The following PHF2 variants were observed in gnomAD, a reference collection of about 807,000 sequenced individuals.
PHF2 encodes the protein PHD finger protein 2.
Under a neutral mutation model 120.5 loss-of-function variants are expected in PHF2, and 27 were observed. The ratio of observed to expected loss-of-function variants is 0.22; its 90% CI spans 0.17 to 0.31. The LOEUF is 0.31. Ranked by LOEUF, PHF2 falls within the 10% of genes least tolerant of loss-of-function variation. The probability of loss-of-function intolerance (pLI) is 1.00; values close to 1 mark genes in which losing one functional copy is unlikely to be tolerated. For missense variants in PHF2, 1,024 were observed against 1,434.8 expected, an observed-to-expected ratio of 0.71 and a Z score of 4.63; for synonymous variants, 568 against 592.5, an observed-to-expected ratio of 0.96 and a Z score of 0.60.
intron 6 of PHF2, among the ~76,000 whole-genome samples, chr9:93,654,188 T>G (rs1448561663): frequency 6.6e-6 from 1 of 152,164 alleles, no homozygotes; most frequent in African/African-American, 2.4e-5. Flanking sequence ...CTCGAAACAA[T>G]GTAATGTGGG....
intron 17 of PHF2, among the ~76,000 whole-genome samples, chr9:93,671,454 G>A (rs1241271897): frequency 2.6e-5 from 3 of 116,646 alleles, no homozygotes; most frequent in Admixed American, 1.7e-4. Context: ...GTGGATGTAG[G>A]TACAGGTGTA....
chr9:93,650,445 C>A (rs1235768086), intron 5 of PHF2, among the ~76,000 whole-genome samples: 4 of 152,218 alleles, frequency 2.6e-5, no homozygotes. Context: ...TACACTCACA[C>A]ACATGAGATC....
intron 17 of PHF2, among the ~76,000 whole-genome samples, chr9:93,667,498 C>T (rs979101686): frequency 1.3e-5 from 2 of 152,138 alleles, no homozygotes; most frequent in Non-Finnish European, 1.5e-5. Context: ...TTTTATGTGC[C>T]GAGACTGTTG....
At chr9:93,600,997 T>G (rs142695102) in intron 1 of PHF2, among the ~76,000 whole-genome samples, 42 of 152,386 alleles carry the variant, frequency 2.8e-4, no homozygotes, top group Non-Finnish European at 6.0e-4. Flanking sequence ...CTTCAGAGAA[T>G]GACAGAATTC....
chr9:93,577,182 C>T lies in PHF2; in HGVS notation c.98+311C>T, dbSNP rs544101366. Among the ~76,000 whole-genome samples, 103 of 150,462 alleles carry T rather than the reference C, an allele frequency of 6.8e-4. 1 individual carries two copies. Among genetic ancestry groups the T allele is most frequent in the African/African-American group, 2.1e-3 (86 of 41,272 alleles). ...GGGAAGTTGGGGCTCCAGGCCCGGG[C>T]CGGGCCGCCTGTCAGCTGGGTCGCG... is the stretch of plus-strand genomic sequence containing the variant. On this transcript the variant is annotated intron_variant, in intron 1 of 21. Coordinates refer to ENST00000359246, the MANE Select transcript of PHF2 (RefSeq NM_005392.4).
chr9:93,583,442 C>T (rs192647210), intron 1 of PHF2, among the ~76,000 whole-genome samples: 49 of 152,274 alleles, frequency 3.2e-4, no homozygotes, highest in Non-Finnish European at 5.3e-4. Context: ...ATGGAATTGC[C>T]GGATCATATG....
chr9:93,596,862 G>A (rs1825342752), intron 1 of PHF2, among the ~76,000 whole-genome samples: 1 of 151,478 alleles, frequency 6.6e-6, no homozygotes, highest in African/African-American at 2.4e-5. Flanking sequence ...GGGTTCAAGC[G>A]ATTCTCCTGC....
intron 4 of PHF2, among the ~76,000 whole-genome samples, chr9:93,647,255 C>A (rs988507808): frequency 1.3e-5 from 2 of 152,188 alleles, no homozygotes; most frequent in African/African-American, 4.8e-5. Context: ...GCTCTTCCCA[C>A]GTAGGAGCTA....
At chr9:93,648,652 C>G (rs1161200080) in intron 4 of PHF2, among the ~76,000 whole-genome samples, 1 of 152,206 alleles carries the variant, frequency 6.6e-6, no homozygotes, top group Non-Finnish European at 1.5e-5. Context: ...TCTGCCAATT[C>G]TCAGAGTAAT....
At chr9:93,599,303 T>C (rs10739951) in intron 1 of PHF2, among the ~76,000 whole-genome samples, 57,076 of 152,136 alleles carry the variant, frequency 0.38, 11,036 homozygotes, top group Non-Finnish European at 0.4. Flanking sequence ...GTGGCACTGG[T>C]GTGGCTGGAG....
intron 1 of PHF2, among the ~76,000 whole-genome samples, chr9:93,615,244 TTGATGG>T (rs1303478356): frequency 6.8e-6 from 1 of 147,376 alleles, no homozygotes. Context: ...GGTGATGGTG[TTGATGG>T]TGATGGTGAT....
intron 1 of PHF2, among the ~76,000 whole-genome samples, chr9:93,625,310 C>T (rs10761244): frequency 0.55 from 82,914 of 151,944 alleles, 23,049 homozygotes; most frequent in South Asian, 0.77. Context: ...GTATCAGGAC[C>T]TCATTCCTTT....
chr9:93,626,345 T>C (rs1177949594), intron 1 of PHF2, among the ~76,000 whole-genome samples: 1 of 152,248 alleles, frequency 6.6e-6, no homozygotes, highest in Non-Finnish European at 1.5e-5. Context: ...GTTGAGCTTC[T>C]TTTCATGTGC....
intron 1 of PHF2, among the ~76,000 whole-genome samples, chr9:93,613,560 C>CTTTTTT (rs201420565): frequency 7.7e-6 from 1 of 129,054 alleles, no homozygotes; most frequent in Non-Finnish European, 1.6e-5. Flanking sequence ...TTTTCTTTTT[C>CTTTTTT]TTTTTTTTTT....
At chr9:93,620,230 G>C (rs1271597819) in intron 1 of PHF2, among the ~76,000 whole-genome samples, 1 of 152,204 alleles carries the variant, frequency 6.6e-6, no homozygotes, top group Non-Finnish European at 1.5e-5. Context: ...CCCACCTTCT[G>C]TCTTCTGAAA....
chr9:93,578,222 G>A (rs183975587), intron 1 of PHF2, among the ~76,000 whole-genome samples: 12 of 152,302 alleles, frequency 7.9e-5, no homozygotes, highest in Admixed American at 7.8e-4. Flanking sequence ...AGAAGGGCCT[G>A]GGACTCTGTG....
In PHF2 at chr9:93,590,521, C is replaced by G. The variant is rs148768339; in HGVS notation, c.98+13650C>G. Among the ~76,000 whole-genome samples, 1,049 of 152,334 alleles carry G rather than the reference C, an allele frequency of 6.9e-3. 15 individuals carry two copies. The highest frequency in any genetic ancestry group is 0.026 in the South Asian group (126 of 4,826). On this transcript the variant is annotated intron_variant, in intron 1 of 21. Transcript: ENST00000359246. ...AAAGCTCATCTGTTTCCTAAATACC[C>G]CTCTTTGTTTGACTCTTGTTGTGAG... is the stretch of plus-strand genomic sequence containing the variant.
intron 16 of PHF2, 37 bp downstream of exon 16, chr9:93,666,097 G>T (rs762271229): frequency 1.3e-6 from 2 of 1,594,406 alleles, no homozygotes; most frequent in Non-Finnish European, 1.7e-6. Context: ...GTCTCGGGGG[G>T]CATCTCTGGG....
At chr9:93,668,405 A>G in intron 17 of PHF2, among the ~76,000 whole-genome samples, 1 of 152,128 alleles carries the variant, frequency 6.6e-6, no homozygotes, top group Non-Finnish European at 1.5e-5. Flanking sequence ...GGGAAGAAGT[A>G]TGCACTAGCT....
Sources: gnomAD v4.1 joint callset for allele counts (sites outside exome capture counted in the v4.1 genomes callset) on GRCh38, gnomAD v4.1.1 for gene constraint, MANE v1.5 for transcripts, NCBI Gene and HGNC (gene_info 2026-07-23, HGNC 2026-07-21) for gene names.